Variants in TMEM65 observed in about 807,000 individuals in gnomAD.
TMEM65 encodes transmembrane protein 65.
TMEM65 carries 22 observed loss-of-function variants against 25.4 expected under a neutral mutation model. That is an observed-to-expected ratio of 0.86 (90% CI 0.62 to 1.23). TMEM65 has a LOEUF of 1.23. Ranked by LOEUF, TMEM65 falls within the 50% of genes most tolerant of loss-of-function variation. The pLI is 0.00. For synonymous variants in TMEM65, 132 were observed against 126.2 expected, an observed-to-expected ratio of 1.05 and a Z score of -0.31; for missense variants, 262 against 308.2, an observed-to-expected ratio of 0.85 and a Z score of 1.12.
At position 124,327,417 on chromosome 8, in the gene TMEM65, G is replaced by A; in HGVS notation, c.354C>T (p.Phe118=). Reference sequence around the variant, plus strand: ...CTATGAAAGGTATCGCATTGTGGATGAATACTGAAAAACATCAAAAACAGA... The same window carrying A: ...CTATGAAAGGTATCGCATTGTGGATAAATACTGAAAAACATCAAAAACAGA... ...PPTPGQLRYV[F]IHNAIPFIGF... is the part of the protein sequence containing the mutation. The change falls in exon 3 of 7, where the codon TTC becomes TTT. Residue 118 remains phenylalanine (F), a synonymous_variant. Coordinates refer to ENST00000297632, the MANE Select transcript of TMEM65 (RefSeq NM_194291.3). The A allele has an allele frequency of 6.3e-7, 1 of 1,587,126 alleles. No homozygotes were observed. The highest frequency in any genetic ancestry group is 8.6e-7 in the Non-Finnish European group (1 of 1,167,838).
chr8:124,372,662 A>AGCCCCC lies in TMEM65; in HGVS notation c.-506_-505insGGGGGC, dbSNP rs1815038518. ...CAAAGCAGCCGCGCTCCCGAGCCGC[A>AGCCCCC]GCCGCCGCCGCCGCCGCTACCCCTA... is the stretch of plus-strand genomic sequence containing the variant. On this transcript the variant is annotated 5_prime_UTR_variant, in exon 1 of 7. Coordinates refer to ENST00000297632, the MANE Select transcript of TMEM65 (RefSeq NM_194291.3). 1 of 160,668 alleles carries AGCCCCC rather than the reference A, an allele frequency of 6.2e-6. No individual in the cohort carries two copies. The allele number at this position is 160,668 out of a possible 1,614,324, so 10.0% of individuals were successfully genotyped here.
Position 124,321,198 on chromosome 8 carries a change from C to A in TMEM65, c.515+907G>T, listed in dbSNP as rs985627087. Among the ~76,000 whole-genome samples, 15 of 152,218 alleles carry A rather than the reference C, an allele frequency of 9.9e-5. 1 individual carries two copies. The highest frequency in any genetic ancestry group is 7.2e-4 in the Admixed American group (11 of 15,270). On this transcript the variant is annotated intron_variant, in intron 5 of 6. Transcript: ENST00000297632. ...TTGTTTTTAACTGTGGCTTTGGCCC[C>A]AAACTCCAGTGCAGAAGTCTAATAT...
rs1231479833 is a variant in TMEM65, at chr8:124,372,362, C to T, written c.-205G>A. On this transcript the variant is annotated 5_prime_UTR_variant, in exon 1 of 7. Coordinates refer to ENST00000297632, the MANE Select transcript of TMEM65 (RefSeq NM_194291.3). ...CACTTCCTTTCCAAAAGGCCCGCGG[C>T]GGCTCCCGCCCCTCCGATGGGAAAA... is the stretch of plus-strand genomic sequence containing the variant. 6 of 261,824 alleles carry T rather than the reference C, an allele frequency of 2.3e-5. No individual in the cohort carries two copies. Among genetic ancestry groups the T allele is most frequent in the Non-Finnish European group, 3.2e-5 (5 of 158,466 alleles). The allele number at this position is 261,824 out of a possible 1,614,324, so 16.2% of individuals were successfully genotyped here.
At chr8:124,331,243 T>G (rs1260594740) in intron 1 of TMEM65, among the ~76,000 whole-genome samples, 4 of 151,592 alleles carry the variant, frequency 2.6e-5, no homozygotes, top group African/African-American at 4.8e-5. Flanking sequence ...CTAGATATCT[T>G]TAAAATGAAG....
chr8:124,348,441 G>T (rs1814666819), intron 1 of TMEM65, among the ~76,000 whole-genome samples: 1 of 151,784 alleles, frequency 6.6e-6, no homozygotes, highest in East Asian at 1.9e-4. Flanking sequence ...TATATACAAT[G>T]ATATTCCTTT....
At chr8:124,371,340 C>A (rs553179027) in intron 1 of TMEM65, among the ~76,000 whole-genome samples, 1 of 152,186 alleles carries the variant, frequency 6.6e-6, no homozygotes, top group African/African-American at 2.4e-5. Context: ...CCCTGACTTT[C>A]GAAGCTACAC....
chr8:124,319,669 C>T (rs1353429654), intron 6 of TMEM65, among the ~76,000 whole-genome samples: 1 of 151,948 alleles, frequency 6.6e-6, no homozygotes, highest in Non-Finnish European at 1.5e-5. Flanking sequence ...AGAAGTTACT[C>T]CCCACAGTGT....
At chr8:124,367,056 A>G (rs1814947853) in intron 1 of TMEM65, among the ~76,000 whole-genome samples, 2 of 152,182 alleles carry the variant, frequency 1.3e-5, no homozygotes, top group South Asian at 4.1e-4. Context: ...CTATCTCAAC[A>G]AAGGCACTGA....
intron 1 of TMEM65, among the ~76,000 whole-genome samples, chr8:124,335,101 GA>G (rs1231195037): frequency 1.3e-5 from 2 of 152,024 alleles, no homozygotes; most frequent in African/African-American, 4.8e-5. Context: ...AAAGATTCAA[GA>G]AGTTCAGTGA....
chr8:124,361,984 G>T (rs993033122), intron 1 of TMEM65, among the ~76,000 whole-genome samples: 1 of 151,868 alleles, frequency 6.6e-6, no homozygotes, highest in Admixed American at 6.6e-5. Flanking sequence ...TCTGCCTCCT[G>T]GGTTCAAGCA....
Position 124,352,412 on chromosome 8 carries a change from A to G in TMEM65, c.304+19442T>C, listed in dbSNP as rs189523989. Among the ~76,000 whole-genome samples, 435 of 151,958 alleles carry G rather than the reference A, an allele frequency of 2.9e-3. 1 individual carries two copies. Among genetic ancestry groups the G allele is most frequent in the African/African-American group, 9.9e-3 (412 of 41,480 alleles). On this transcript the variant is annotated intron_variant, in intron 1 of 6. Transcript: ENST00000297632. ...CCTATACAAATTAGTGTAAAATCAA[A>G]GGAACAAGATTCTCTTTCTTAGAAG...
chr8:124,349,954 T>A (rs1814685366), intron 1 of TMEM65, among the ~76,000 whole-genome samples: 2 of 152,170 alleles, frequency 1.3e-5, no homozygotes, highest in South Asian at 2.1e-4. Flanking sequence ...GAGGGCTAAT[T>A]AAAATATCTT....
In TMEM65 at chr8:124,309,623, A is replaced by G. The variant is rs1814131740; in HGVS notation, c.*4337T>C. The G allele has an allele frequency of 6.6e-6, 1 of 152,250 alleles. No homozygotes were observed. Among genetic ancestry groups the G allele is most frequent in the Non-Finnish European group, 1.5e-5 (1 of 68,048 alleles). The allele number at this position is 152,250 out of a possible 1,614,324, so 9.4% of individuals were successfully genotyped here. On this transcript the variant is annotated 3_prime_UTR_variant, in exon 7 of 7. Coordinates refer to ENST00000297632, the MANE Select transcript of TMEM65 (RefSeq NM_194291.3). ...TACTTTCTCTTCACAGAATATCTGT[A>G]CTGTTTGTACCTTCGCTTCCTTCAG...
chr8:124,354,723 C>A (rs550435544), intron 1 of TMEM65, among the ~76,000 whole-genome samples: 1 of 152,272 alleles, frequency 6.6e-6, no homozygotes, highest in Non-Finnish European at 1.5e-5. Context: ...TTACTTCTAC[C>A]TCTGCCCAAG....
At chr8:124,329,232 G>A (rs992411560) in intron 2 of TMEM65, among the ~76,000 whole-genome samples, 2 of 151,456 alleles carry the variant, frequency 1.3e-5, no homozygotes, top group African/African-American at 4.8e-5. Flanking sequence ...TTCACTTATT[G>A]CCTAAATCTG....
chr8:124,320,749 G>A (rs1814294574), intron 5 of TMEM65, among the ~76,000 whole-genome samples: 1 of 152,020 alleles, frequency 6.6e-6, no homozygotes, highest in African/African-American at 2.4e-5. Flanking sequence ...TTTATGAACT[G>A]TAAGAAAGAA....
In TMEM65 at chr8:124,372,340, T is replaced by G; in HGVS notation, c.-183A>C. On this transcript the variant is annotated 5_prime_UTR_variant, in exon 1 of 7. Coordinates refer to ENST00000297632, the MANE Select transcript of TMEM65 (RefSeq NM_194291.3). ...CTCTCGCCTCCTGTTCCGTCCCCAC[T>G]TCCTTTCCAAAAGGCCCGCGGCGGC... 2.8e-6 allele frequency: 1 copy of G among 354,492 alleles called. No individual in the cohort carries two copies. Among genetic ancestry groups the G allele is most frequent in the Non-Finnish European group, 4.1e-6 (1 of 244,034 alleles). The allele number at this position is 354,492 out of a possible 1,614,324, so 22.0% of individuals were successfully genotyped here. A position where few individuals can be genotyped will look rare whatever the true frequency, so the allele number is the denominator to read the frequency against.
At chr8:124,365,946 C>G (rs962807511) in intron 1 of TMEM65, among the ~76,000 whole-genome samples, 1 of 152,120 alleles carries the variant, frequency 6.6e-6, no homozygotes, top group South Asian at 2.1e-4. Context: ...ACAGGCCGGG[C>G]GTGGAGGTTC....
In TMEM65 at chr8:124,339,187, G is replaced by C. The variant is rs552877655; in HGVS notation, c.305-8395C>G. 2.3e-3 allele frequency among the ~76,000 whole-genome samples: 96 copies of C among 41,316 alleles called. 1 individual carries two copies. The highest frequency in any genetic ancestry group is 0.011 in the African/African-American group (95 of 8,496). The allele number at this position is 41,316 out of a possible 152,430, so 27.1% of individuals were successfully genotyped here. ...AGCCTGGGCAACAGAGCAAGACTCTGTCTCAAAAAAAAAAAAAAAAAAAAA... is the reference window on the plus strand; with the variant it reads ...AGCCTGGGCAACAGAGCAAGACTCTCTCTCAAAAAAAAAAAAAAAAAAAAA... On this transcript the variant is annotated intron_variant, in intron 1 of 6. Transcript: ENST00000297632.
Sources: allele counts gnomAD v4.1 joint callset (sites outside exome capture counted in the v4.1 genomes callset), GRCh38; gene constraint gnomAD v4.1.1; transcripts MANE v1.5; gene names NCBI Gene and HGNC (gene_info 2026-07-23, HGNC 2026-07-21).